The following RARB variants were observed in gnomAD, a reference collection of about 807,000 sequenced individuals.
RARB encodes the protein HBV-activated protein.
In RARB, 17 loss-of-function variants were observed where a neutral mutation model predicts 51.9. The observed-to-expected ratio is 0.33, with a 90% confidence interval of 0.22 to 0.49. The LOEUF (loss-of-function observed/expected upper bound fraction) is 0.49, where lower values mean the gene tolerates loss of function less well. RARB is among the 20% of genes least tolerant of loss of function. RARB has a pLI of 0.99. For missense variants in RARB, 369 were observed against 550.8 expected (o/e 0.67, Z 3.30); for synonymous variants, 215 against 195.4 (o/e 1.10, Z -0.84).
intron 4 of RARB, among the ~76,000 whole-genome samples, chr3:25,160,595 C>T (rs1700458438): frequency 1.3e-5 from 2 of 152,208 alleles, no homozygotes; most frequent in African/African-American, 2.4e-5. Context: ...ATTTGTGGCT[C>T]ATGCTCTTGA....
intron 2 of RARB, among the ~76,000 whole-genome samples, chr3:24,879,624 A>G (rs1051468637): frequency 6.6e-6 from 1 of 151,900 alleles, no homozygotes; most frequent in African/African-American, 2.4e-5. Context: ...GGAGTTTGAG[A>G]CCAGCTTGGA....
chr3:25,029,192 A>G (rs1056663065), intron 2 of RARB, among the ~76,000 whole-genome samples: 1 of 152,188 alleles, frequency 6.6e-6, no homozygotes, highest in Non-Finnish European at 1.5e-5. Flanking sequence ...GGCATTTTCC[A>G]AAGTGGGAAA....
chr3:25,239,252 G>T (rs1276456405), intron 5 of RARB, among the ~76,000 whole-genome samples: 1 of 152,104 alleles, frequency 6.6e-6, no homozygotes, highest in Non-Finnish European at 1.5e-5. Flanking sequence ...TCAACAGGTT[G>T]TTCTATAACT....
intron 2 of RARB, among the ~76,000 whole-genome samples, chr3:24,864,874 T>C (rs1702818937): frequency 6.6e-6 from 1 of 152,210 alleles, no homozygotes; most frequent in Non-Finnish European, 1.5e-5. Flanking sequence ...GTAGTATTTC[T>C]AAAGTTTTTG....
rs1392953647 is a variant in RARB, at chr3:25,342,149, A to T, written c.179-119044A>T. On this transcript the variant is annotated intron_variant, in intron 5 of 11. Coordinates refer to the RARB transcript ENST00000383772. ...AAGAAAAAGAGATACTCAAGTTGTT[A>T]AGCAGACTGCAGTTTCAGGAATCAC... Among the ~76,000 whole-genome samples the T allele has an allele frequency of 2.6e-5, 4 of 152,350 alleles. No individual in the cohort carries two copies. In the East Asian group the frequency reaches 7.7e-4, roughly 29 times the overall value.
intron 2 of RARB, among the ~76,000 whole-genome samples, chr3:24,890,509 G>A (rs77918917): frequency 0.012 from 1,893 of 152,218 alleles, 42 homozygotes; most frequent in African/African-American, 0.044. Context: ...AACAAGTTGA[G>A]AGGCCAAGGC....
intron 3 of RARB, among the ~76,000 whole-genome samples, chr3:25,110,508 A>T (rs998508307): frequency 3.9e-5 from 6 of 152,164 alleles, no homozygotes; most frequent in African/African-American, 1.4e-4. Flanking sequence ...CAGTTGTTTC[A>T]TTTTAGAGCA....
chr3:25,493,804 T>A (rs1696868093), intron 2 of RARB, among the ~76,000 whole-genome samples: 1 of 152,196 alleles, frequency 6.6e-6, no homozygotes, highest in South Asian at 2.1e-4. Context: ...AAAAATTTTT[T>A]AAAAAGCCTT....
chr3:25,184,024 C>A (rs1700919831), intron 5 of RARB, among the ~76,000 whole-genome samples: 1 of 152,148 alleles, frequency 6.6e-6, no homozygotes, highest in Admixed American at 6.5e-5. Flanking sequence ...CTAAAGGATT[C>A]TGGCCCTAAC....
chr3:25,479,478 C>A (rs915631905), intron 2 of RARB, among the ~76,000 whole-genome samples: 2 of 151,990 alleles, frequency 1.3e-5, no homozygotes, highest in African/African-American at 2.4e-5. Flanking sequence ...TTAATTTGTT[C>A]CTATTTAAAA....
chr3:25,099,953 T>C (rs966496408), intron 3 of RARB, among the ~76,000 whole-genome samples: 1 of 152,210 alleles, frequency 6.6e-6, no homozygotes, highest in Non-Finnish European at 1.5e-5. Context: ...TGGCCTACGA[T>C]CTTAATTTAC....
At chr3:25,100,787 A>AAC (rs1699385267) in intron 3 of RARB, among the ~76,000 whole-genome samples, 1 of 152,170 alleles carries the variant, frequency 6.6e-6, no homozygotes, top group Non-Finnish European at 1.5e-5. Context: ...CAAAAGGGAC[A>AAC]ACACACAGGG....
Position 25,468,758 on chromosome 3 carries a change from A to G in RARB, c.306+7417A>G, listed in dbSNP as rs1458309967. On this transcript the variant is annotated intron_variant, in intron 2 of 7. Coordinates refer to ENST00000330688, the MANE Select transcript of RARB (RefSeq NM_000965.5). The stretch of plus-strand genomic sequence containing the variant: ...AAAAATTAAAAAAGGAAGCGCTTAC[A>G]AGGCAGTCAGTCTTTCCCAAGAAGG... Among the ~76,000 whole-genome samples the G allele has an allele frequency of 3.9e-5, 6 of 152,362 alleles. No individual in the cohort carries two copies. In the South Asian group the frequency reaches 1.0e-3, roughly 26 times the overall value.
chr3:24,831,257 G>A (rs1223738555), intron 1 of RARB, among the ~76,000 whole-genome samples: 4 of 152,136 alleles, frequency 2.6e-5, no homozygotes, highest in Admixed American at 1.3e-4. Flanking sequence ...AAAAATAATT[G>A]TAACAAGAAA....
intron 5 of RARB, among the ~76,000 whole-genome samples, chr3:25,417,040 G>T (rs957628124): frequency 1.3e-5 from 2 of 152,058 alleles, no homozygotes; most frequent in African/African-American, 4.8e-5. Flanking sequence ...CAGAGCTTTG[G>T]AGGCAGCCCC....
chr3:25,225,717 C>T (rs1702041836), intron 5 of RARB, among the ~76,000 whole-genome samples: 1 of 152,150 alleles, frequency 6.6e-6, no homozygotes, highest in South Asian at 2.1e-4. Context: ...GGTACACTCA[C>T]ATATACGCAC....
chr3:24,844,128 G>A (rs1575032652), intron 1 of RARB, among the ~76,000 whole-genome samples: 1 of 152,332 alleles, frequency 6.6e-6, no homozygotes, highest in Non-Finnish European at 1.5e-5. Context: ...AGAAGGGCCT[G>A]GAGGGAGATG....
At chr3:25,473,343 A>C (rs1479697177) in intron 2 of RARB, among the ~76,000 whole-genome samples, 1 of 151,876 alleles carries the variant, frequency 6.6e-6, no homozygotes, top group African/African-American at 2.4e-5. Context: ...CTCTGTGTGC[A>C]TCTCTGCCTG....
At chr3:25,241,271 T>C (rs1702424329) in intron 5 of RARB, among the ~76,000 whole-genome samples, 1 of 152,164 alleles carries the variant, frequency 6.6e-6, no homozygotes, top group African/African-American at 2.4e-5. Flanking sequence ...AGCAGATACT[T>C]GTTATGATTT....
Sources: allele counts gnomAD v4.1 joint callset (sites outside exome capture counted in the v4.1 genomes callset), GRCh38; gene constraint gnomAD v4.1.1; transcripts MANE v1.5; gene names NCBI Gene and HGNC (gene_info 2026-07-23, HGNC 2026-07-21).